Variants in MARCHF10 observed in about 807,000 individuals in gnomAD.
The protein encoded by MARCHF10 is probable E3 ubiquitin-protein ligase MARCHF10.
Under a neutral mutation model 76.2 loss-of-function variants are expected in MARCHF10, and 64 were observed. The observed-to-expected ratio is 0.84, with a 90% CI of 0.69 to 1.03. The LOEUF (loss-of-function observed/expected upper bound fraction) is 1.03. Ranked by LOEUF, MARCHF10 falls within the 50% of genes least tolerant of loss-of-function variation. The pLI is 0.00. For synonymous variants in MARCHF10, 340 were observed against 357.5 expected, an observed-to-expected ratio of 0.95 and a Z score of 0.55; for missense variants, 875 against 958.0, an observed-to-expected ratio of 0.91 and a Z score of 1.14.
At chr17:62,745,976 T>C (rs569129649) in intron 4 of MARCHF10, among the ~76,000 whole-genome samples, 13 of 152,336 alleles carry the variant, frequency 8.5e-5, no homozygotes, top group African/African-American at 3.1e-4. Flanking sequence ...TGTAGCCAGC[T>C]GGTAACATAG....
chr17:62,710,272 A>G (rs1396029571), intron 9 of MARCHF10, among the ~76,000 whole-genome samples: 1 of 152,224 alleles, frequency 6.6e-6, no homozygotes, highest in Non-Finnish European at 1.5e-5. Flanking sequence ...TGGAATCATG[A>G]AAATAAGGTT....
At chr17:62,794,092 GCCACCACCCCCATCAACCACCA>G in intron 2 of MARCHF10, among the ~76,000 whole-genome samples, 1 of 73,836 alleles carries the variant, frequency 1.4e-5, no homozygotes, top group South Asian at 5.2e-4. Flanking sequence ...CACAACCATC[GCCACCACCCCCATCAACCACCA>G]CCACCACCTC....
chr17:62,797,484 G>A (rs1331938804), intron 2 of MARCHF10, among the ~76,000 whole-genome samples: 2 of 152,176 alleles, frequency 1.3e-5, no homozygotes, highest in Admixed American at 6.5e-5. Context: ...GATTACAGGC[G>A]TGAGCCACCA....
At chr17:62,722,662 CA>C (rs1224191304) in intron 7 of MARCHF10, 65 bp from the exon 8 acceptor site, 1 of 1,375,560 alleles carries the variant, frequency 7.3e-7, no homozygotes, top group Non-Finnish European at 1.0e-6. Context: ...GCACTTTGGA[CA>C]GGTGATATTT....
rs371345442 is a variant in MARCHF10, at chr17:62,788,548, C to T, written c.142G>A (p.Asp48Asn). 63 of 1,613,986 alleles carry T rather than the reference C, an allele frequency of 3.9e-5. No homozygotes were observed. Among genetic ancestry groups the T allele is most frequent in the Non-Finnish European group, 5.1e-5 (60 of 1,180,004 alleles). The change falls in exon 3 of 11, where the codon GAT becomes AAT. Residue 48 changes from aspartate (D) to asparagine (N), a missense_variant. Transcript: ENST00000311269. ...CTTGTCTCTTGCCCCCAAAACTGAT[C>T]GCGTTTCTTCTCATTTGGGTCTCTT... ...YRRDPNEKKRDQFWGQETSFE... is the reference protein window; with the variant it reads ...YRRDPNEKKRNQFWGQETSFE...
chr17:62,796,819 G>A (rs1411480052), intron 2 of MARCHF10, among the ~76,000 whole-genome samples: 1 of 152,038 alleles, frequency 6.6e-6, no homozygotes, highest in Admixed American at 6.6e-5. Flanking sequence ...TGAGACCCCC[G>A]TGTCTCTATA....
At chr17:62,720,725 C>G (rs2090439628) in intron 8 of MARCHF10, among the ~76,000 whole-genome samples, 1 of 152,160 alleles carries the variant, frequency 6.6e-6, no homozygotes, top group Non-Finnish European at 1.5e-5. Flanking sequence ...TGACAGGGTC[C>G]CCCTGGAATT....
At chr17:62,702,056 A>AG in intron 10 of MARCHF10, among the ~76,000 whole-genome samples, 2 of 152,276 alleles carry the variant, frequency 1.3e-5, no homozygotes, top group Middle Eastern at 3.4e-3. Flanking sequence ...GAATAGCTGC[A>AG]GGGGCCATTG....
At chr17:62,787,695 G>A (rs1339551485) in intron 3 of MARCHF10, among the ~76,000 whole-genome samples, 1 of 152,090 alleles carries the variant, frequency 6.6e-6, no homozygotes, top group Non-Finnish European at 1.5e-5. Context: ...GTAAAGTTTT[G>A]TGACTTCTCT....
At chr17:62,702,761 T>C (rs2089322248) in intron 10 of MARCHF10, among the ~76,000 whole-genome samples, 1 of 152,160 alleles carries the variant, frequency 6.6e-6, no homozygotes, top group African/African-American at 2.4e-5. Flanking sequence ...TGACATCCCC[T>C]CAATCCTACC....
At chr17:62,764,516 G>A (rs751501166) in intron 3 of MARCHF10, among the ~76,000 whole-genome samples, 3 of 152,166 alleles carry the variant, frequency 2.0e-5, no homozygotes, top group Non-Finnish European at 4.4e-5. Flanking sequence ...ACTTGGTCTC[G>A]TGAGATTATA....
intron 3 of MARCHF10, among the ~76,000 whole-genome samples, chr17:62,770,282 A>G (rs2092418587): frequency 6.6e-6 from 1 of 152,198 alleles, no homozygotes; most frequent in South Asian, 2.1e-4. Context: ...ATAGGCACCT[A>G]CACTGATTCC....
intron 2 of MARCHF10, among the ~76,000 whole-genome samples, chr17:62,795,356 C>CAAAAAAAAAAAAAAAAAAAAAAAA (rs61564298): frequency 1.9e-5 from 1 of 52,936 alleles, no homozygotes; most frequent in Non-Finnish European, 3.5e-5. Context: ...ATCATTTGAT[C>CAAAAAAAAAAAAAAAAAAAAAAAA]AAAAAAAAAA....
chr17:62,744,154 G>T (rs114597783), intron 5 of MARCHF10, among the ~76,000 whole-genome samples: 1 of 151,630 alleles, frequency 6.6e-6, no homozygotes, highest in Non-Finnish European at 1.5e-5. Context: ...TATCCCCCCC[G>T]ACCCCGCCTT....
chr17:62,773,557 T>C (rs968705717), intron 3 of MARCHF10, among the ~76,000 whole-genome samples: 1 of 152,012 alleles, frequency 6.6e-6, no homozygotes, highest in African/African-American at 2.4e-5. Context: ...TGCTGAGAGA[T>C]CTCAGATCAC....
chr17:62,716,908 G>T (rs976706623), intron 8 of MARCHF10, among the ~76,000 whole-genome samples: 2 of 152,208 alleles, frequency 1.3e-5, no homozygotes, highest in African/African-American at 2.4e-5. Context: ...CAGCAGGAGG[G>T]TGGCCAGGAG....
chr17:62,801,861 C>A (rs1192451346), intron 1 of MARCHF10, 109 bp from the exon 2 acceptor site: 22 of 847,258 alleles, frequency 2.6e-5, no homozygotes, highest in Non-Finnish European at 3.4e-5. Context: ...ATCTAATTTC[C>A]CTTGTTTGAA....
At chr17:62,707,339 G>C (rs1599031518) in intron 9 of MARCHF10, 1 of 152,752 alleles carries the variant, frequency 6.5e-6, no homozygotes, top group East Asian at 1.9e-4. Flanking sequence ...CAAACATGCA[G>C]GTCTTTCCAT....
intron 3 of MARCHF10, among the ~76,000 whole-genome samples, chr17:62,779,286 G>C (rs1316081107): frequency 6.6e-6 from 1 of 152,208 alleles, no homozygotes; most frequent in Non-Finnish European, 1.5e-5. Context: ...CCAGAAAGAA[G>C]AGGCCCGACC....
Sources: allele counts gnomAD v4.1 joint callset (sites outside exome capture counted in the v4.1 genomes callset), GRCh38; gene constraint gnomAD v4.1.1; transcripts MANE v1.5; gene names NCBI Gene and HGNC (gene_info 2026-07-23, HGNC 2026-07-21).